Variants in DLG3 observed in about 807,000 individuals in gnomAD.
DLG3 encodes disks large homolog 3.
In DLG3, 1 loss-of-function variant was observed where a neutral mutation model predicts 64.1. That is an observed-to-expected ratio of 0.02 (90% CI 0.01 to 0.07). DLG3 has a LOEUF of 0.07. Among genes scored for constraint, DLG3 ranks in the 10% least tolerant of loss-of-function variants. The pLI is 1.00. For synonymous variants in DLG3, 245 were observed against 259.8 expected (o/e 0.94, Z 0.55); for missense variants, 429 against 669.5 (o/e 0.64, Z 3.96).
chrX:70,476,875 C>G (rs2087062712), intron 9 of DLG3, among the ~76,000 whole-genome samples: 1 of 112,524 alleles, frequency 8.9e-6, no homozygotes, highest in Admixed American at 9.4e-5. Context: ...CAAATAAAAG[C>G]CAGAGACTGA....
intron 12 of DLG3, chrX:70,493,332 T>G (rs996242293): frequency 9.0e-7 from 1 of 1,105,721 alleles, no homozygotes; most frequent in Non-Finnish European, 1.2e-6. Flanking sequence ...TTCTGTTTTT[T>G]TTTTTCTTCT....
rs1016058521 is a variant in DLG3 at position 70,479,158 on chromosome X, C to T, written c.1414C>T (p.Arg472Cys). The T allele has an allele frequency of 2.5e-6, 3 of 1,204,281 alleles. No homozygotes were observed. Among genetic ancestry groups the T allele is most frequent in the East Asian group, 3.0e-5 (1 of 33,748 alleles). ...VAQYRPEEYS[R>C]FESKIHDLRE... ...CCTTGTTTCCGTGACAGAATACAGT[C>T]GCTTTGAATCGAAGATACATGACTT... Residue 472 changes from arginine to cysteine, a missense_variant, in exon 10 of 19, where the codon CGC becomes TGC. Around this residue, in one of 9 missense-constraint regions of DLG3, gnomAD observed 46 missense variants for 52.3 expected, o/e 0.88. Transcript: ENST00000374360.
intron 8 of DLG3, 88 bp from the exon 9 acceptor site, chrX:70,454,126 G>T: frequency 1.2e-6 from 1 of 821,689 alleles, no homozygotes; most frequent in South Asian, 2.3e-5. Flanking sequence ...GCTTAGGGGT[G>T]GGGTACCCAT....
At chrX:70,472,066 C>A (rs1191523990) in intron 9 of DLG3, among the ~76,000 whole-genome samples, 3 of 112,220 alleles carry the variant, frequency 2.7e-5, no homozygotes, top group Non-Finnish European at 5.6e-5. Flanking sequence ...CCTACCATTA[C>A]TTCCCCTTCC....
At chrX:70,459,420 C>T (rs905483314) in intron 9 of DLG3, among the ~76,000 whole-genome samples, 1 of 112,279 alleles carries the variant, frequency 8.9e-6, no homozygotes, top group African/African-American at 3.2e-5. Flanking sequence ...ATTCTATCTC[C>T]CCCTTTTTGA....
At position 70,451,852 on chromosome X, in the gene DLG3, C is replaced by T; in HGVS notation, c.986-15C>T. On this transcript the variant is annotated splice_polypyrimidine_tract_variant and intron_variant, in intron 6 of 18. Coordinates refer to ENST00000374360, the MANE Select transcript of DLG3 (RefSeq NM_021120.4). ...GACCAGTCTCTGAACTTTTCTCTCC[C>T]TTTCTTGATTCCAGCTTTTACTGCC... is the stretch of plus-strand genomic sequence containing the variant. 2 of 1,211,021 alleles carry T rather than the reference C, an allele frequency of 1.7e-6. No homozygotes were observed. The highest frequency in any genetic ancestry group is 2.2e-6 in the Non-Finnish European group (2 of 895,290).
Position 70,460,461 on chromosome X carries a change from A to T in DLG3, c.1405+6145A>T, listed in dbSNP as rs142606438. 6.3e-3 allele frequency among the ~76,000 whole-genome samples: 709 copies of T among 111,869 alleles called. 6 individuals are homozygous for T. Among genetic ancestry groups the T allele is most frequent in the African/African-American group, 0.021 (640 of 30,848 alleles). ...ACCAGGGAATGATACTGTTGGGGGA[A>T]CCCCAGGAGGAGCCAAAAGATGGGA... On this transcript the variant is annotated intron_variant, in intron 9 of 18. Transcript: ENST00000374360.
In DLG3 at chrX:70,487,089, C is replaced by T. The variant is rs185676728; in HGVS notation, c.1521-5018C>T. 3.0e-3 allele frequency among the ~76,000 whole-genome samples: 333 copies of T among 112,417 alleles called. 2 individuals carry two copies. The highest frequency in any genetic ancestry group is 1.0e-2 in the African/African-American group (310 of 31,004). ...TTTTTTGGTTACACGAAATATATCT[C>T]ATGGGAGAAGTTGTTTGACTTTAGT... On this transcript the variant is annotated intron_variant, in intron 10 of 18. Transcript: ENST00000374360.
At position 70,477,935 on chromosome X, in the gene DLG3, G is replaced by A. The variant is rs1466644029; in HGVS notation, c.1406-1215G>A. Among the ~76,000 whole-genome samples, 3 of 112,020 alleles carry A rather than the reference G, an allele frequency of 2.7e-5. No individual in the cohort carries two copies. In the East Asian group the frequency reaches 8.4e-4, roughly 31 times the overall value. On this transcript the variant is annotated intron_variant, in intron 9 of 18. Transcript: ENST00000374360. ...CAGGTGTTTTGTTTTCTCCTGTAGA[G>A]TCATACGGACTAGGTGGGGATGCTT...
At chrX:70,477,071 A>G (rs1428910893) in intron 9 of DLG3, among the ~76,000 whole-genome samples, 12 of 112,816 alleles carry the variant, frequency 1.1e-4, no homozygotes, top group Non-Finnish European at 2.1e-4. Context: ...TCAGCCTTGG[A>G]TTAGGAGCTT....
chrX:70,450,127 C>T, intron 4 of DLG3, 42 bp from the exon 5 acceptor site: 2 of 1,207,913 alleles, frequency 1.7e-6, no homozygotes, highest in Non-Finnish European at 2.2e-6. Context: ...ACTTTAACCT[C>T]TCCTTGTGGC....
intron 8 of DLG3, 73 bp from the exon 9 acceptor site, chrX:70,454,141 C>T: frequency 2.1e-6 from 2 of 970,894 alleles, no homozygotes; most frequent in Non-Finnish European, 2.9e-6. Context: ...ACCCATCTCC[C>T]TCTCCTAACT....
At chrX:70,485,086 C>A (rs2087231577) in intron 10 of DLG3, among the ~76,000 whole-genome samples, 1 of 111,794 alleles carries the variant, frequency 8.9e-6, no homozygotes, top group Non-Finnish European at 1.9e-5. Flanking sequence ...TTATCCAGTA[C>A]TTTCTGGCCA....
At position 70,445,019 on chromosome X, in the gene DLG3, G is replaced by A; in HGVS notation, c.-183G>A. The A allele has an allele frequency of 3.6e-6, 1 of 279,521 alleles. No homozygotes were observed. The highest frequency in any genetic ancestry group is 6.0e-5 in the East Asian group (1 of 16,773). The allele number at this position is 279,521 out of a possible 1,213,427, so 23.0% of individuals were successfully genotyped here. On this transcript the variant is annotated 5_prime_UTR_variant, in exon 1 of 19. Transcript: ENST00000374360. Reference sequence around the variant, plus strand: ...GGGCAGCGTGGGGGCCGAGGCCCCGGGACGCCCGCCCGGCCCCAGGCCCCG... The same window carrying A: ...GGGCAGCGTGGGGGCCGAGGCCCCGAGACGCCCGCCCGGCCCCAGGCCCCG...
At chrX:70,449,638 G>T in intron 3 of DLG3, 52 bp from the exon 4 acceptor site, 1 of 1,196,747 alleles carries the variant, frequency 8.4e-7, no homozygotes, top group Admixed American at 2.2e-5. Context: ...AAGCAGGAGA[G>T]GGGGTGGAGG....
At chrX:70,493,818 GT>G (rs2087405003) in intron 12 of DLG3, among the ~76,000 whole-genome samples, 3 of 112,704 alleles carry the variant, frequency 2.7e-5, no homozygotes, top group Non-Finnish European at 3.8e-5. Flanking sequence ...GACTGTCAGG[GT>G]CAGGAAAATG....
intron 4 of DLG3, 28 bp downstream of exon 4, chrX:70,449,887 A>G (rs1232464653): frequency 8.6e-7 from 1 of 1,168,268 alleles, no homozygotes; most frequent in Admixed American, 2.6e-5. Flanking sequence ...CCTGTGCTCC[A>G]GCCAGAGCCT....
At chrX:70,457,765 G>T (rs2086737879) in intron 9 of DLG3, among the ~76,000 whole-genome samples, 1 of 110,550 alleles carries the variant, frequency 9.0e-6, no homozygotes, top group Non-Finnish European at 1.9e-5. Flanking sequence ...TAGAGACGGG[G>T]TTTCACCATG....
intron 9 of DLG3, among the ~76,000 whole-genome samples, chrX:70,471,470 C>T (rs1463642309): frequency 1.8e-5 from 2 of 110,162 alleles, no homozygotes; most frequent in African/African-American, 6.6e-5. Flanking sequence ...GCTGGGACTA[C>T]AGGCGCCCGC....
Sources: allele counts gnomAD v4.1 joint callset (sites outside exome capture counted in the v4.1 genomes callset), GRCh38; gene constraint gnomAD v4.1.1; regional missense constraint gnomAD v4.1.1; transcripts MANE v1.5; gene names NCBI Gene and HGNC (gene_info 2026-07-23, HGNC 2026-07-21).